Variants in SKIC2 observed in about 807,000 individuals in gnomAD.
SKIC2 encodes SKI2 subunit of superkiller complex.
chr6:31,960,181 G>A, the SKIC2 span: 9 of 1,607,830 alleles, frequency 5.6e-6, no homozygotes, highest in East Asian at 4.5e-5. Flanking sequence ...TGGGACAGAG[G>A]AAGAAAGAAG....
chr6:31,962,708 C>A, the SKIC2 span: 3 of 1,612,478 alleles, frequency 1.9e-6, no homozygotes, highest in Non-Finnish European at 2.5e-6. The surrounding 1 kb of genome is among the most constrained non-coding windows in gnomAD (Gnocchi z 5.0). Context: ...GGCCTCTTCT[C>A]CCCAGCTCCA....
At chr6:31,963,726 C>A in the SKIC2 span, 1 of 1,545,722 alleles carries the variant, frequency 6.5e-7, no homozygotes. This position sits in a 1 kb window ranked among gnomAD's most constrained non-coding sequence, Gnocchi z 5.3. Flanking sequence ...CAGGGGGGCC[C>A]TGCACAGGTG....
At chr6:31,967,959 C>G in the SKIC2 span, 1 of 1,613,094 alleles carries the variant, frequency 6.2e-7, no homozygotes, top group Non-Finnish European at 8.5e-7. This position sits in a 1 kb window ranked among gnomAD's most constrained non-coding sequence, Gnocchi z 4.9. Context: ...TTCACAGGGC[C>G]TTGTGACCAC....
At chr6:31,969,579 G>C in the SKIC2 span, 1 of 1,613,790 alleles carries the variant, frequency 6.2e-7, no homozygotes, top group Non-Finnish European at 8.5e-7. The surrounding 1 kb of genome is among the most constrained non-coding windows in gnomAD (Gnocchi z 6.1). Flanking sequence ...TGCATTCAGC[G>C]CCTGGCTGAG....
At chr6:31,961,552 G>T in the SKIC2 span, 4 of 1,604,986 alleles carry the variant, frequency 2.5e-6, no homozygotes, top group African/African-American at 2.7e-5. Context: ...TCCAGGAAGC[G>T]TCCACAGCTG....
the SKIC2 span, among the ~76,000 whole-genome samples, chr6:31,964,968 A>AT: frequency 2.6e-5 from 4 of 152,238 alleles, 1 homozygote; most frequent in East Asian, 7.7e-4. The surrounding 1 kb of genome is among the most constrained non-coding windows in gnomAD (Gnocchi z 5.0). Context: ...AAATACAAAA[A>AT]TTAGCTGGGC....
At chr6:31,969,674 C>A in the SKIC2 span, 39 of 1,607,002 alleles carry the variant, frequency 2.4e-5, no homozygotes, top group Non-Finnish European at 3.0e-5. This position sits in a 1 kb window ranked among gnomAD's most constrained non-coding sequence, Gnocchi z 6.1. Flanking sequence ...TACCTTGCTA[C>A]GGCGGGACAT....
chr6:31,960,455 C>T, the SKIC2 span: 22 of 1,614,012 alleles, frequency 1.4e-5, no homozygotes, highest in Non-Finnish European at 1.9e-5. Flanking sequence ...ACACAAATCT[C>T]TCGGCTACAA....
At chr6:31,961,204 A>G in the SKIC2 span, 2 of 1,613,958 alleles carry the variant, frequency 1.2e-6, no homozygotes, top group East Asian at 2.2e-5. Context: ...AGATTGTCCA[A>G]CTCCAGCTCC....
the SKIC2 span, chr6:31,963,964 T>C: frequency 6.2e-7 from 1 of 1,612,410 alleles, no homozygotes; most frequent in East Asian, 2.2e-5. This position sits in a 1 kb window ranked among gnomAD's most constrained non-coding sequence, Gnocchi z 5.3. Flanking sequence ...ACGTGCCCAG[T>C]TGCCCGTGGT....
chr6:31,968,737 C>T, the SKIC2 span: 190 of 1,612,768 alleles, frequency 1.2e-4, no homozygotes, highest in Non-Finnish European at 1.5e-4. The surrounding 1 kb of genome is among the most constrained non-coding windows in gnomAD (Gnocchi z 6.1). Context: ...GGAGCGGCTG[C>T]GCTTCCTACT....
the SKIC2 span, chr6:31,961,162 A>C: frequency 3.7e-6 from 6 of 1,608,856 alleles, no homozygotes; most frequent in Non-Finnish European, 5.1e-6. Flanking sequence ...AGAGATGGAC[A>C]TGACAAGGTT....
chr6:31,968,893 T>C, the SKIC2 span: 1 of 1,612,708 alleles, frequency 6.2e-7, no homozygotes, highest in East Asian at 2.2e-5. This position sits in a 1 kb window ranked among gnomAD's most constrained non-coding sequence, Gnocchi z 6.1. Flanking sequence ...CTGGGTTATG[T>C]GGACGAGGCG....
At chr6:31,960,529 A>G in the SKIC2 span, 160,644 of 1,611,646 alleles carry the variant, frequency 0.1, 8,980 homozygotes, top group African/African-American at 0.19. Flanking sequence ...AATCCAACTC[A>G]GTATCCCTTC....
the SKIC2 span, chr6:31,966,014 G>A: frequency 1.3e-6 from 2 of 1,578,896 alleles, no homozygotes; most frequent in African/African-American, 2.7e-5. The surrounding 1 kb of genome is among the most constrained non-coding windows in gnomAD (Gnocchi z 5.9). Flanking sequence ...CATGATGATG[G>A]TGAGCGGGCC....
At chr6:31,962,347 T>C in the SKIC2 span, 1 of 1,389,898 alleles carries the variant, frequency 7.2e-7, no homozygotes, top group African/African-American at 1.4e-5. The surrounding 1 kb of genome is among the most constrained non-coding windows in gnomAD (Gnocchi z 5.0). Context: ...CCTGAGCTTC[T>C]GGGGCATGCT....
At chr6:31,963,683 G>C in the SKIC2 span, 2 of 1,556,860 alleles carry the variant, frequency 1.3e-6, no homozygotes, top group Non-Finnish European at 1.7e-6. The surrounding 1 kb of genome is among the most constrained non-coding windows in gnomAD (Gnocchi z 5.3). Flanking sequence ...GAGCAAACAC[G>C]CCCAGACCTT....
chr6:31,960,097 C>G, the SKIC2 span: 1 of 1,612,996 alleles, frequency 6.2e-7, no homozygotes, highest in East Asian at 2.2e-5. Context: ...GCTGCCTCTG[C>G]ATGGTGTGGA....
At chr6:31,960,248 T>A in the SKIC2 span, 1 of 1,613,084 alleles carries the variant, frequency 6.2e-7, no homozygotes, top group East Asian at 2.2e-5. Context: ...GGATCCCTGG[T>A]CTCTTTTGGC....
Sources: allele counts gnomAD v4.1 joint callset (sites outside exome capture counted in the v4.1 genomes callset), GRCh38; gene constraint gnomAD v4.1.1; non-coding constraint Gnocchi (gnomAD v3.1); transcripts MANE v1.5; gene names NCBI Gene and HGNC (gene_info 2026-07-23, HGNC 2026-07-21).